Variants in GREM2 observed in about 807,000 individuals in gnomAD.
GREM2 encodes the protein gremlin-2.
GREM2 carries 11 observed loss-of-function variants against 14.2 expected under a neutral mutation model. The ratio of observed to expected loss-of-function variants is 0.78; its 90% CI spans 0.49 to 1.28. GREM2 has a LOEUF of 1.28. GREM2 is among the 50% of genes most tolerant of loss of function. GREM2 has a pLI of 0.00. For missense variants in GREM2, 210 were observed against 218.5 expected, an observed-to-expected ratio of 0.96 and a Z score of 0.24; for synonymous variants, 98 against 97.6, an observed-to-expected ratio of 1.00 and a Z score of -0.02.
intron 1 of GREM2, among the ~76,000 whole-genome samples, chr1:240,509,389 A>G (rs534556364): frequency 7.7e-6 from 1 of 130,520 alleles, no homozygotes; most frequent in Admixed American, 8.3e-5. Context: ...TTTTTTTGAG[A>G]CAGAGTTTCA....
At chr1:240,571,293 G>C (rs1679256642) in intron 1 of GREM2, among the ~76,000 whole-genome samples, 1 of 152,182 alleles carries the variant, frequency 6.6e-6, no homozygotes. Context: ...GAATGACCTT[G>C]AACAGGTTTC....
chr1:240,602,028 C>T (rs1173338747), intron 1 of GREM2, among the ~76,000 whole-genome samples: 1 of 152,062 alleles, frequency 6.6e-6, no homozygotes, highest in African/African-American at 2.4e-5. Context: ...AAAGCAATAC[C>T]TTCCAAAACT....
At chr1:240,570,235 G>A (rs1370789686) in intron 1 of GREM2, among the ~76,000 whole-genome samples, 4 of 152,062 alleles carry the variant, frequency 2.6e-5, no homozygotes, top group African/African-American at 4.8e-5. Context: ...AGGCTGAGGC[G>A]GGCAGATCAC....
At chr1:240,578,351 C>G (rs1359740107) in intron 1 of GREM2, among the ~76,000 whole-genome samples, 1 of 151,754 alleles carries the variant, frequency 6.6e-6, no homozygotes, top group Admixed American at 6.6e-5. Flanking sequence ...GTCTTGAACT[C>G]CTGACCTCAA....
intron 1 of GREM2, among the ~76,000 whole-genome samples, chr1:240,523,298 T>G (rs1678144860): frequency 6.6e-6 from 1 of 152,160 alleles, no homozygotes; most frequent in South Asian, 2.1e-4. Context: ...TGGAGCAGGG[T>G]TTCTCAGCTT....
At chr1:240,571,717 A>T (rs756708038) in intron 1 of GREM2, among the ~76,000 whole-genome samples, 4 of 152,128 alleles carry the variant, frequency 2.6e-5, no homozygotes, top group Non-Finnish European at 5.9e-5. Flanking sequence ...AAAAAGAAAA[A>T]GAAAAGAAAA....
At chr1:240,567,455 T>G (rs1283163805) in intron 1 of GREM2, among the ~76,000 whole-genome samples, 1 of 151,956 alleles carries the variant, frequency 6.6e-6, no homozygotes, top group Non-Finnish European at 1.5e-5. Context: ...AAAAAACACA[T>G]TATATACAGA....
intron 1 of GREM2, among the ~76,000 whole-genome samples, chr1:240,596,383 T>A (rs1285865541): frequency 6.6e-6 from 1 of 152,144 alleles, no homozygotes; most frequent in Non-Finnish European, 1.5e-5. Context: ...CATTCATTGG[T>A]GTATGCAATC....
rs773025891 is a variant in GREM2 at position 240,562,805 on chromosome 1, GTA to G, written c.-2+49077_-2+49078del. 7.2e-5 allele frequency among the ~76,000 whole-genome samples: 11 copies of G among 151,820 alleles called. No homozygotes were observed. In the East Asian group the frequency reaches 1.2e-3, roughly 16 times the overall value. On this transcript the variant is annotated intron_variant, in intron 1 of 1. Coordinates refer to ENST00000318160, the MANE Select transcript of GREM2 (RefSeq NM_022469.4). ...AGTGTGTATGTGTGTATGTGAGTGT[GTA>G]TGTGTGTATTGTGTACACGTGAGTG...
At chr1:240,521,684 C>G (rs1444951569) in intron 1 of GREM2, among the ~76,000 whole-genome samples, 1 of 152,198 alleles carries the variant, frequency 6.6e-6, no homozygotes, top group Non-Finnish European at 1.5e-5. Flanking sequence ...TCTATTCACA[C>G]TAGAGAACTT....
At chr1:240,516,174 T>C (rs1572376104) in intron 1 of GREM2, among the ~76,000 whole-genome samples, 1 of 151,636 alleles carries the variant, frequency 6.6e-6, no homozygotes, top group East Asian at 1.9e-4. Flanking sequence ...TTGCCCAGGC[T>C]GGCCTCAAAC....
intron 1 of GREM2, among the ~76,000 whole-genome samples, chr1:240,603,277 A>G (rs1295735814): frequency 6.6e-6 from 1 of 152,174 alleles, no homozygotes; most frequent in Non-Finnish European, 1.5e-5. Flanking sequence ...TTTCAAATAC[A>G]AAGAGAAGTG....
At chr1:240,544,575 T>C (rs1008473074) in intron 1 of GREM2, among the ~76,000 whole-genome samples, 11 of 152,238 alleles carry the variant, frequency 7.2e-5, no homozygotes, top group African/African-American at 2.7e-4. Flanking sequence ...CAACTGTGTC[T>C]TCAAAAACTC....
intron 1 of GREM2, among the ~76,000 whole-genome samples, chr1:240,593,349 C>A (rs1679747737): frequency 6.6e-6 from 1 of 151,710 alleles, no homozygotes; most frequent in Non-Finnish European, 1.5e-5. Flanking sequence ...TGCAGAGAAG[C>A]AGCAAAGCAT....
chr1:240,549,948 G>C (rs571324310), intron 1 of GREM2: 1 of 152,442 alleles, frequency 6.6e-6, no homozygotes, highest in East Asian at 1.9e-4. Flanking sequence ...GGAGTAGAAA[G>C]GATGGAGGAA....
intron 1 of GREM2, among the ~76,000 whole-genome samples, chr1:240,611,474 T>C (rs1680133524): frequency 6.6e-6 from 1 of 152,206 alleles, no homozygotes; most frequent in Non-Finnish European, 1.5e-5. Flanking sequence ...AGGGAGGATA[T>C]TAACCTGGTA....
chr1:240,501,944 T>C (rs1677577815), intron 1 of GREM2, among the ~76,000 whole-genome samples: 1 of 152,174 alleles, frequency 6.6e-6, no homozygotes, highest in South Asian at 2.1e-4. Flanking sequence ...CCAGTGACAT[T>C]GTTCTCTGCA....
intron 1 of GREM2, among the ~76,000 whole-genome samples, chr1:240,538,758 C>A (rs1206709377): frequency 6.6e-6 from 1 of 152,020 alleles, no homozygotes; most frequent in Non-Finnish European, 1.5e-5. Context: ...TTTTTAGAAC[C>A]ATGTTTGGTA....
At chr1:240,572,941 A>G (rs1256427153) in intron 1 of GREM2, among the ~76,000 whole-genome samples, 4 of 152,206 alleles carry the variant, frequency 2.6e-5, no homozygotes, top group Non-Finnish European at 5.9e-5. Context: ...CCTGAATAAT[A>G]AACTCTTTAA....
Sources: allele counts gnomAD v4.1 joint callset (sites outside exome capture counted in the v4.1 genomes callset), GRCh38; gene constraint gnomAD v4.1.1; transcripts MANE v1.5; gene names NCBI Gene and HGNC (gene_info 2026-07-23, HGNC 2026-07-21).